TRDN: variants seen among roughly 807,000 people sequenced by gnomAD.
The protein encoded by TRDN is triadin, also known as triadin in skeletal muscle.
TRDN carries 161 observed loss-of-function variants against 149.7 expected under a neutral mutation model. That is an observed-to-expected ratio of 1.08 (90% CI 0.95 to 1.23). The LOEUF is 1.23. Ranked by LOEUF, TRDN falls within the 50% of genes most tolerant of loss-of-function variation. The pLI, the probability that TRDN is intolerant of heterozygous loss-of-function variation, is 0.00. For synonymous variants in TRDN, 294 were observed against 250.5 expected, an observed-to-expected ratio of 1.17 and a Z score of -1.64; for missense variants, 896 against 823.5, an observed-to-expected ratio of 1.09 and a Z score of -1.08.
intron 10 of TRDN, chr6:123,457,480 G>C: frequency 2.8e-6 from 1 of 361,136 alleles, no homozygotes; most frequent in Non-Finnish European, 5.3e-6. Flanking sequence ...TGTAAGTTTA[G>C]AGATACAAGT....
chr6:123,513,243 G>C (rs1041428603), intron 6 of TRDN, among the ~76,000 whole-genome samples: 15 of 152,130 alleles, frequency 9.9e-5, no homozygotes, highest in South Asian at 2.1e-4. Flanking sequence ...GGAGCATTAT[G>C]CTAGGCTAAG....
intron 5 of TRDN, among the ~76,000 whole-genome samples, chr6:123,519,958 T>G (rs1029354804): frequency 6.6e-6 from 1 of 152,046 alleles, no homozygotes; most frequent in East Asian, 1.9e-4. Context: ...TTCATATATA[T>G]CTATATTTTA....
At chr6:123,382,232 CAAAT>C (rs1373722886) in intron 14 of TRDN, 85 bp from the exon 15 acceptor site, 13 of 873,044 alleles carry the variant, frequency 1.5e-5, no homozygotes, top group Non-Finnish European at 2.0e-5. Flanking sequence ...TATAAACAAT[CAAAT>C]AAAATTGATT....
chr6:123,406,601 A>G (rs1773200961), intron 12 of TRDN, among the ~76,000 whole-genome samples: 1 of 152,000 alleles, frequency 6.6e-6, no homozygotes. Context: ...ATATAAAATG[A>G]AAAGCCAATA....
chr6:123,502,383 T>C (rs1244173440), intron 8 of TRDN: 1 of 662,162 alleles, frequency 1.5e-6, no homozygotes, highest in Non-Finnish European at 1.9e-6. Flanking sequence ...GAAAAAGTTT[T>C]AGAGCTCCTA....
At chr6:123,363,061 T>G (rs1227230648) in intron 20 of TRDN, among the ~76,000 whole-genome samples, 1 of 152,160 alleles carries the variant, frequency 6.6e-6, no homozygotes, top group Non-Finnish European at 1.5e-5. Context: ...GTGAACACCT[T>G]AAAATGTTAA....
chr6:123,353,596 C>T (rs1342046914), intron 20 of TRDN, among the ~76,000 whole-genome samples: 4 of 150,976 alleles, frequency 2.6e-5, no homozygotes, highest in Non-Finnish European at 1.5e-5. Context: ...TCAAAAATGT[C>T]TATAAGGTAA....
intron 16 of TRDN, among the ~76,000 whole-genome samples, chr6:123,380,494 G>A (rs1394447784): frequency 1.3e-5 from 2 of 152,082 alleles, no homozygotes; most frequent in African/African-American, 4.8e-5. Flanking sequence ...TGCTCCCCCT[G>A]GCTGAGTTGT....
intron 2 of TRDN, among the ~76,000 whole-genome samples, chr6:123,550,707 G>A (rs1159497441): frequency 6.6e-6 from 1 of 151,888 alleles, no homozygotes; most frequent in Non-Finnish European, 1.5e-5. Context: ...GGATTTCTGG[G>A]GAAATTTTTA....
intron 38 of TRDN, among the ~76,000 whole-genome samples, chr6:123,251,697 T>A (rs1242052041): frequency 6.6e-6 from 1 of 152,040 alleles, no homozygotes; most frequent in East Asian, 1.9e-4. Context: ...TTTTCATAAA[T>A]ATGGAAATAA....
At chr6:123,266,499 AAT>A (rs1455306251) in intron 32 of TRDN, among the ~76,000 whole-genome samples, 2 of 47,374 alleles carry the variant, frequency 4.2e-5, no homozygotes, top group Non-Finnish European at 6.3e-5. Context: ...TATTATATAT[AAT>A]ATATATATTA....
chr6:123,590,996 A>G (rs1395312216), intron 1 of TRDN, among the ~76,000 whole-genome samples: 2 of 152,160 alleles, frequency 1.3e-5, no homozygotes, highest in Non-Finnish European at 2.9e-5. Context: ...ATAAAAAATT[A>G]TAATAAAATA....
At chr6:123,472,201 T>C (rs1425101529) in intron 9 of TRDN, among the ~76,000 whole-genome samples, 2 of 152,128 alleles carry the variant, frequency 1.3e-5, no homozygotes, top group Non-Finnish European at 2.9e-5. Context: ...TGCCAGACAG[T>C]GGGCGCAGGT....
chr6:123,378,495 TGTGTGG>T (rs1335719653), intron 16 of TRDN, among the ~76,000 whole-genome samples: 3 of 137,952 alleles, frequency 2.2e-5, no homozygotes, highest in African/African-American at 5.5e-5. Context: ...TGTGTGTGTG[TGTGTGG>T]AGACAAAGTC....
chr6:123,438,328 T>C (rs1176298803), intron 11 of TRDN, among the ~76,000 whole-genome samples: 4 of 151,754 alleles, frequency 2.6e-5, no homozygotes, highest in African/African-American at 9.7e-5. Context: ...AACAGAACTT[T>C]TTTTTTTTTG....
rs74626686 is a variant in TRDN, at chr6:123,491,879, C to T, written c.853+5314G>A. 4.2e-3 allele frequency among the ~76,000 whole-genome samples: 642 copies of T among 152,184 alleles called. 4 individuals are homozygous for T. Among genetic ancestry groups the T allele is most frequent in the African/African-American group, 0.015 (617 of 41,530 alleles). Reference sequence around the variant, plus strand: ...AGTCTAAAGCAAAGCTAAATGGTACCTAGTCTTGTCTAATACAAGCAGTGA... The same window carrying T: ...AGTCTAAAGCAAAGCTAAATGGTACTTAGTCTTGTCTAATACAAGCAGTGA... On this transcript the variant is annotated intron_variant, in intron 9 of 40. Transcript: ENST00000334268.
At chr6:123,503,376 A>T in intron 8 of TRDN, 1 of 985,344 alleles carries the variant, frequency 1.0e-6, no homozygotes, top group Non-Finnish European at 1.2e-6. Flanking sequence ...TCCTCCAAAG[A>T]GTATGACACA....
intron 16 of TRDN, among the ~76,000 whole-genome samples, chr6:123,379,593 C>T (rs1333668682): frequency 1.3e-5 from 2 of 152,056 alleles, no homozygotes; most frequent in East Asian, 1.9e-4. Context: ...GAATCGAATA[C>T]CAGCTATACA....
intron 10 of TRDN, chr6:123,464,660 C>T: frequency 4.1e-6 from 5 of 1,231,724 alleles, no homozygotes; most frequent in African/African-American, 3.0e-5. Context: ...TGCTTGATTC[C>T]CAAAGTGCTA....
Sources: allele counts gnomAD v4.1 joint callset (sites outside exome capture counted in the v4.1 genomes callset), GRCh38; gene constraint gnomAD v4.1.1; transcripts MANE v1.5; gene names NCBI Gene and HGNC (gene_info 2026-07-23, HGNC 2026-07-21).